Variants in DST observed in about 807,000 individuals in gnomAD.
The protein encoded by DST is bullous pemphigoid antigen.
Under a neutral mutation model 875.2 loss-of-function variants are expected in DST, and 253 were observed. The ratio of observed to expected loss-of-function variants is 0.29; its 90% CI spans 0.26 to 0.32. The LOEUF is 0.32. DST is among the 10% of genes least tolerant of loss of function. The pLI, the probability that DST is intolerant of heterozygous loss-of-function variation, is 1.00. For missense variants in DST, 8,287 were observed against 9,111.6 expected (o/e 0.91, Z 3.68); for synonymous variants, 3,124 against 3,197.1 (o/e 0.98, Z 0.77).
At chr6:56,592,574 G>A (rs935514064) in intron 48 of DST, among the ~76,000 whole-genome samples, 3 of 152,104 alleles carry the variant, frequency 2.0e-5, no homozygotes, top group Non-Finnish European at 1.5e-5. Flanking sequence ...GATAGTTCTG[G>A]ATTTATACCA....
At chr6:56,528,678 T>G (rs1040661107) in intron 67 of DST, among the ~76,000 whole-genome samples, 163 bp downstream of exon 67, 1 of 152,192 alleles carries the variant, frequency 6.6e-6, no homozygotes, top group Admixed American at 6.5e-5. Context: ...TGAGATCATA[T>G]CCTAACCACC....
At chr6:56,598,129 T>A in intron 46 of DST, 123 bp from the exon 47 acceptor site, 1 of 963,932 alleles carries the variant, frequency 1.0e-6, no homozygotes. Context: ...ACTGACACAA[T>A]TGAAAACTTA....
At position 56,799,539 on chromosome 6, in the gene DST, AGATTATG is replaced by A. The variant is rs1437730616; in HGVS notation, c.625+51851_625+51857del. 2.0e-5 allele frequency among the ~76,000 whole-genome samples: 3 copies of A among 151,998 alleles called. No homozygotes were observed. In the East Asian group the frequency reaches 5.8e-4, roughly 29 times the overall value. ...AAGGCAAGACCCTCTACCAGCATAA[AGATTATG>A]ACTCGCTGAAGGCTCAGATGACCTT... is the stretch of plus-strand genomic sequence containing the variant. On this transcript the variant is annotated intron_variant, in intron 4 of 103. Coordinates refer to ENST00000680361, the MANE Select transcript of DST (RefSeq NM_001374736.1).
chr6:56,719,415 C>T (rs1223994770), intron 5 of DST, among the ~76,000 whole-genome samples: 2 of 152,180 alleles, frequency 1.3e-5, no homozygotes, highest in Non-Finnish European at 2.9e-5. Context: ...GGGCAAAAAG[C>T]AAATGGAAAG....
intron 36 of DST, among the ~76,000 whole-genome samples, chr6:56,622,426 C>T (rs765710497): frequency 2.6e-5 from 4 of 151,582 alleles, no homozygotes; most frequent in South Asian, 2.1e-4. Flanking sequence ...AAAATTAGCC[C>T]GGCGTGGTGG....
intron 48 of DST, among the ~76,000 whole-genome samples, chr6:56,593,311 C>G (rs761673862): frequency 6.6e-6 from 1 of 151,868 alleles, no homozygotes; most frequent in Non-Finnish European, 1.5e-5. Flanking sequence ...GTCAGGAGAT[C>G]GAGACCATCC....
chr6:56,845,012 G>A (rs2099805615), intron 4 of DST, among the ~76,000 whole-genome samples: 1 of 152,168 alleles, frequency 6.6e-6, no homozygotes, highest in Non-Finnish European at 1.5e-5. Flanking sequence ...TCATAAAGTT[G>A]TATAGTAAAT....
intron 3 of DST, chr6:56,851,814 C>G: frequency 3.9e-6 from 6 of 1,551,638 alleles, no homozygotes; most frequent in Non-Finnish European, 5.2e-6. Flanking sequence ...AGTCTCCAAT[C>G]GTAAAAACAA....
At chr6:56,618,833 T>A in intron 36 of DST, 2 of 1,614,184 alleles carry the variant, frequency 1.2e-6, no homozygotes, top group Non-Finnish European at 1.7e-6. Context: ...CATCTTTCTG[T>A]GGGTCATCTG....
intron 5 of DST, among the ~76,000 whole-genome samples, chr6:56,716,884 T>A (rs1036892689): frequency 6.6e-6 from 1 of 152,108 alleles, no homozygotes; most frequent in Non-Finnish European, 1.5e-5. Flanking sequence ...TCGATTCTTA[T>A]AACAAGCATG....
At chr6:56,612,735 G>C (rs1047817651) in intron 37 of DST, among the ~76,000 whole-genome samples, 1 of 152,156 alleles carries the variant, frequency 6.6e-6, no homozygotes, top group Non-Finnish European at 1.5e-5. Flanking sequence ...TCCTTTAACA[G>C]AACGACCATC....
At chr6:56,917,781 C>T (rs536330904) in intron 2 of DST, among the ~76,000 whole-genome samples, 11 of 152,142 alleles carry the variant, frequency 7.2e-5, no homozygotes, top group Non-Finnish European at 1.6e-4. Flanking sequence ...ATCTTTGTGT[C>T]CTTCATTGCT....
intron 5 of DST, among the ~76,000 whole-genome samples, chr6:56,718,226 A>T (rs2099401740): frequency 6.6e-6 from 1 of 152,218 alleles, no homozygotes; most frequent in African/African-American, 2.4e-5. Flanking sequence ...CCTCATCTCA[A>T]AAAATAAAAA....
intron 72 of DST, among the ~76,000 whole-genome samples, chr6:56,514,203 C>T (rs2096543497): frequency 1.3e-5 from 2 of 152,196 alleles, no homozygotes; most frequent in South Asian, 2.1e-4. Flanking sequence ...CTATTCAAAT[C>T]ACCTCAGCAT....
intron 3 of DST, among the ~76,000 whole-genome samples, chr6:56,878,936 G>A (rs1007403360): frequency 6.6e-6 from 1 of 152,210 alleles, no homozygotes; most frequent in Non-Finnish European, 1.5e-5. Flanking sequence ...GCTTGACAGT[G>A]ACCCAAGGGC....
chr6:56,708,833 A>G (rs2099351306), intron 5 of DST, among the ~76,000 whole-genome samples: 1 of 152,262 alleles, frequency 6.6e-6, no homozygotes, highest in Admixed American at 6.5e-5. Context: ...AGCTAAGCCT[A>G]CATAGAAAAG....
intron 80 of DST, 127 bp from the exon 81 acceptor site, chr6:56,498,180 A>AT (rs956062136): frequency 3.0e-5 from 28 of 943,556 alleles, no homozygotes; most frequent in Non-Finnish European, 3.7e-5. Flanking sequence ...TAGAATTTTA[A>AT]TTTTTTTTAA....
chr6:56,742,926 G>A (rs34587484), intron 4 of DST, among the ~76,000 whole-genome samples: 17,750 of 152,106 alleles, frequency 0.12, 1,404 homozygotes, highest in Middle Eastern at 0.19. Context: ...TCTGAGTTGG[G>A]TAGTACTGTC....
At chr6:56,617,564 A>G in intron 36 of DST, 2 of 704,540 alleles carry the variant, frequency 2.8e-6, no homozygotes, top group Admixed American at 4.8e-5. Flanking sequence ...GGGTTCAGGA[A>G]TAAGTATTAT....
Sources: gnomAD v4.1 joint callset for allele counts (sites outside exome capture counted in the v4.1 genomes callset) on GRCh38, gnomAD v4.1.1 for gene constraint, MANE v1.5 for transcripts, NCBI Gene and HGNC (gene_info 2026-07-23, HGNC 2026-07-21) for gene names.